Variants in OSBP2 observed in about 807,000 individuals in gnomAD.
OSBP2 encodes oxysterol binding protein 2.
OSBP2 carries 66 observed loss-of-function variants against 96.0 expected under a neutral mutation model. That is an observed-to-expected ratio of 0.69 (90% CI 0.56 to 0.84). The LOEUF (loss-of-function observed/expected upper bound fraction) is 0.84. Ranked by LOEUF, OSBP2 falls within the 40% of genes least tolerant of loss-of-function variation. The pLI is 0.00. For synonymous variants in OSBP2, 525 were observed against 520.9 expected (o/e 1.01, Z -0.11); for missense variants, 1,038 against 1,222.7 (o/e 0.85, Z 2.25).
intron 2 of OSBP2, among the ~76,000 whole-genome samples, chr22:30,810,998 T>C (rs572171752): frequency 6.6e-6 from 1 of 152,342 alleles, no homozygotes; most frequent in Non-Finnish European, 1.5e-5. Flanking sequence ...AAACACAAGA[T>C]TGTGAAATAT....
intron 2 of OSBP2, among the ~76,000 whole-genome samples, chr22:30,798,498 T>C (rs2090797457): frequency 6.6e-6 from 1 of 152,222 alleles, no homozygotes; most frequent in Non-Finnish European, 1.5e-5. Flanking sequence ...TGTTTGCCAA[T>C]TCCAATGTTG....
At chr22:30,698,097 T>A (rs574489360) in intron 1 of OSBP2, among the ~76,000 whole-genome samples, 8 of 152,296 alleles carry the variant, frequency 5.3e-5, no homozygotes, top group Non-Finnish European at 7.4e-5. Context: ...GGACTGAGCA[T>A]CCTCCAGGTC....
At chr22:30,820,389 TA>T (rs136226) in intron 2 of OSBP2, among the ~76,000 whole-genome samples, 1 of 148,782 alleles carries the variant, frequency 6.7e-6, no homozygotes, top group Admixed American at 6.7e-5. Context: ...ACCCCATCTC[TA>T]AAAAAAAAAT....
rs148749673 is a variant in OSBP2, at chr22:30,858,120, G to GTTTT, written c.854-12302_854-12299dup. ...AGATAATCAGGTTGTGATTCACTTTGTTTTTTTTTTGTTTGTTTGTTTGTT... is the reference window on the plus strand; with the variant it reads ...AGATAATCAGGTTGTGATTCACTTTGTTTTTTTTTTTTTTGTTTGTTTGTTTGTT... On this transcript the variant is annotated intron_variant, in intron 2 of 13. Transcript: ENST00000332585. Among the ~76,000 whole-genome samples the GTTTT allele has an allele frequency of 1.3e-4, 17 of 132,826 alleles. 1 individual carries two copies. The highest frequency in any genetic ancestry group is 2.3e-4 in the East Asian group (1 of 4,378). 87.1% of individuals were successfully genotyped at this position (132,826 alleles called of 152,430 possible). A position where few individuals can be genotyped will look rare whatever the true frequency, so the allele number is the denominator to read the frequency against.
intron 5 of OSBP2, among the ~76,000 whole-genome samples, chr22:30,888,658 G>A (rs186049781): frequency 1.0e-3 from 154 of 152,322 alleles, no homozygotes; most frequent in African/African-American, 3.5e-3. Flanking sequence ...AGCCCAGGGA[G>A]GTGGAGGCTG....
chr22:30,762,138 T>C (rs935500318), intron 2 of OSBP2, among the ~76,000 whole-genome samples: 3 of 151,954 alleles, frequency 2.0e-5, no homozygotes, highest in Non-Finnish European at 4.4e-5. Context: ...GAGAGAATCA[T>C]TTGAACCTGG....
chr22:30,892,211 G>C lies in OSBP2; in HGVS notation c.1870-911G>C, dbSNP rs549708735. On this transcript the variant is annotated intron_variant, in intron 8 of 13. Transcript: ENST00000332585. ...GAGGAGGAGCATGAGGAGGGCCAGA[G>C]AGGCTGCAGAGCGTTTGGTGTGAGC... Among the ~76,000 whole-genome samples the C allele has an allele frequency of 5.3e-4, 80 of 152,266 alleles. No individual in the cohort carries two copies. The South Asian group carries it at 7.1e-3, about 13-fold the overall frequency.
At chr22:30,731,955 C>T (rs952899207) in intron 1 of OSBP2, among the ~76,000 whole-genome samples, 1 of 152,182 alleles carries the variant, frequency 6.6e-6, no homozygotes, top group South Asian at 2.1e-4. Flanking sequence ...GCTGAGTGGT[C>T]TGCATGTGTT....
chr22:30,822,816 A>G, intron 2 of OSBP2: 1 of 946,022 alleles, frequency 1.1e-6, no homozygotes, highest in Non-Finnish European at 1.5e-6. Context: ...CTCTGATGTC[A>G]CTCCCTCGCG....
At chr22:30,889,265 AAGGC>A in intron 6 of OSBP2, 31 bp downstream of exon 6, 1 of 1,603,498 alleles carries the variant, frequency 6.2e-7, no homozygotes, top group Non-Finnish European at 8.5e-7. Flanking sequence ...TAAGGGCCAG[AAGGC>A]AGCTTCTGGC....
intron 2 of OSBP2, among the ~76,000 whole-genome samples, chr22:30,755,843 C>G (rs765859690): frequency 4.6e-5 from 7 of 152,224 alleles, no homozygotes; most frequent in Non-Finnish European, 7.3e-5. Context: ...ATCCTGGTGT[C>G]TTGGTGCCTC....
rs1181574787 is a variant in OSBP2, at chr22:30,889,078, A to G, written c.1419-99A>G. 7 of 1,006,780 alleles carry G rather than the reference A, an allele frequency of 7.0e-6. No homozygotes were observed. The East Asian group carries it at 1.7e-4, about 25-fold the overall frequency. The allele number at this position is 1,006,780 out of a possible 1,614,324, so 62.4% of individuals were successfully genotyped here. A position where few individuals can be genotyped will look rare whatever the true frequency, so the allele number is the denominator to read the frequency against. On this transcript the variant is annotated intron_variant, in intron 5 of 13. Coordinates refer to ENST00000332585, the MANE Select transcript of OSBP2 (RefSeq NM_030758.4). ...ACACACGGCAGTGACCAGGACATTT[A>G]CTAGCAATGAAAATGATGTTGTCTG...
intron 12 of OSBP2, chr22:30,902,906 A>G (rs2040248039): frequency 3.9e-6 from 1 of 259,338 alleles, no homozygotes; most frequent in African/African-American, 2.3e-5. Context: ...CAGTGGAAAC[A>G]CAGCTTGTTG....
chr22:30,725,208 C>A lies in OSBP2; in HGVS notation c.645-15953C>A, dbSNP rs1486209192. On this transcript the variant is annotated intron_variant, in intron 1 of 13. Coordinates refer to ENST00000332585, the MANE Select transcript of OSBP2 (RefSeq NM_030758.4). Reference sequence around the variant, plus strand: ...AAAAAACAAAAAAACAAAAAAAAAACAAAAACAAATTATAGGCTGGGTGCA... The same window carrying A: ...AAAAAACAAAAAAACAAAAAAAAAAAAAAAACAAATTATAGGCTGGGTGCA... Among the ~76,000 whole-genome samples the A allele has an allele frequency of 3.0e-3, 296 of 97,912 alleles. 2 individuals are homozygous for A. Among genetic ancestry groups the A allele is most frequent in the Non-Finnish European group, 4.6e-3 (204 of 44,484 alleles). 64.2% of individuals were successfully genotyped at this position (97,912 alleles called of 152,430 possible).
chr22:30,857,632 T>C (rs2039105778), intron 2 of OSBP2, among the ~76,000 whole-genome samples: 2 of 152,246 alleles, frequency 1.3e-5, no homozygotes, highest in Admixed American at 6.5e-5. Context: ...GCCTCCTCAT[T>C]GCGGGCCAGC....
chr22:30,850,904 G>C (rs2038967660), intron 2 of OSBP2, among the ~76,000 whole-genome samples: 1 of 152,154 alleles, frequency 6.6e-6, no homozygotes, highest in Non-Finnish European at 1.5e-5. Flanking sequence ...GTGGAAAATT[G>C]ATATTTTAAC....
At chr22:30,756,318 C>T (rs1404786968) in intron 2 of OSBP2, among the ~76,000 whole-genome samples, 1 of 152,166 alleles carries the variant, frequency 6.6e-6, no homozygotes, top group African/African-American at 2.4e-5. Context: ...AGGTTGGGCC[C>T]AAATCCAGAC....
chr22:30,888,014 C>T (rs1251740612), intron 4 of OSBP2, among the ~76,000 whole-genome samples: 1 of 152,138 alleles, frequency 6.6e-6, no homozygotes, highest in Non-Finnish European at 1.5e-5. Flanking sequence ...CAGAAAGAGG[C>T]TCCTGTGCGG....
At chr22:30,718,489 T>C (rs1157672943) in intron 1 of OSBP2, among the ~76,000 whole-genome samples, 2 of 152,210 alleles carry the variant, frequency 1.3e-5, no homozygotes, top group African/African-American at 2.4e-5. Flanking sequence ...AAAGATGACC[T>C]GTATGCTTGG....
Sources: gnomAD v4.1 joint callset for allele counts (sites outside exome capture counted in the v4.1 genomes callset) on GRCh38, gnomAD v4.1.1 for gene constraint, MANE v1.5 for transcripts, NCBI Gene and HGNC (gene_info 2026-07-23, HGNC 2026-07-21) for gene names.